SUSD5: variants seen among roughly 807,000 people sequenced by gnomAD.
The protein encoded by SUSD5 is sushi domain containing 5, also known as sushi domain-containing protein 5.
SUSD5 carries 33 observed loss-of-function variants against 29.5 expected under a neutral mutation model. That is an observed-to-expected ratio of 1.12 (90% CI 0.85 to 1.49). The LOEUF is 1.49. Among genes scored for constraint, SUSD5 ranks in the 40% most tolerant of loss-of-function variants. The pLI, the probability that SUSD5 is intolerant of heterozygous loss-of-function variation, is 0.00. For synonymous variants in SUSD5, 308 were observed against 325.3 expected (o/e 0.95, Z 0.57); for missense variants, 776 against 800.6 (o/e 0.97, Z 0.37).
In SUSD5 at chr3:33,204,121, G is replaced by T. The variant is rs760526148; in HGVS notation, c.409+3687C>A. 9.9e-5 allele frequency among the ~76,000 whole-genome samples: 15 copies of T among 151,568 alleles called. No individual in the cohort carries two copies. Among genetic ancestry groups the T allele is most frequent in the African/African-American group, 3.6e-4 (15 of 41,216 alleles). ...GAAGAGATGGTTTTTAGGGACAAAGGGGCATCATATCTACAAGTTACTCTC... is the reference window on the plus strand; with the variant it reads ...GAAGAGATGGTTTTTAGGGACAAAGTGGCATCATATCTACAAGTTACTCTC... On this transcript the variant is annotated intron_variant, in intron 3 of 4. Coordinates refer to ENST00000309558, the MANE Select transcript of SUSD5 (RefSeq NM_015551.2). This position sits in a 1 kb window ranked among gnomAD's most constrained non-coding sequence, Gnocchi z 4.5.
rs549748497 is a variant in SUSD5, at chr3:33,150,537, T to C, written c.*2205A>G. ...TAGATTAGGATCTAATTTATAAATA[T>C]ATACAGTCTCTGGCTTTTATTCTAT... On this transcript the variant is annotated 3_prime_UTR_variant, in exon 5 of 5. Coordinates refer to ENST00000309558, the MANE Select transcript of SUSD5 (RefSeq NM_015551.2). 7.9e-5 allele frequency: 12 copies of C among 152,334 alleles called. No homozygotes were observed. Among genetic ancestry groups the C allele is most frequent in the African/African-American group, 2.6e-4 (11 of 41,586 alleles). The allele number at this position is 152,334 out of a possible 1,614,324, so 9.4% of individuals were successfully genotyped here.
chr3:33,216,378 T>A (rs1337692267), intron 1 of SUSD5, among the ~76,000 whole-genome samples: 1 of 152,104 alleles, frequency 6.6e-6, no homozygotes, highest in Non-Finnish European at 1.5e-5. Context: ...ACACAGATGA[T>A]CTCACACCAA....
In SUSD5 at chr3:33,153,419, CG is replaced by C; in HGVS notation, c.1212del (p.Asn404LysfsTer3). The C allele has an allele frequency of 6.2e-7, 1 of 1,613,810 alleles. No individual in the cohort carries two copies. The highest frequency in any genetic ancestry group is 1.3e-5 in the African/African-American group (1 of 75,020). On this transcript the variant is annotated frameshift_variant, in exon 5 of 5. Coordinates refer to ENST00000309558, the MANE Select transcript of SUSD5 (RefSeq NM_015551.2). LOFTEE classifies it low-confidence loss of function (END_TRUNC). ...RGDGSVGLDE[N>X]VLVTPDQPIL... ...ATGGGCTGATCAGGAGTAACTAGGA[CG>C]TTTTCATCCAGCCCTACTGACCCAT...
intron 4 of SUSD5, among the ~76,000 whole-genome samples, chr3:33,163,335 G>T (rs4678725): frequency 0.014 from 2,160 of 152,002 alleles, 25 homozygotes; most frequent in Non-Finnish European, 0.023. Context: ...TCGGTAAGCT[G>T]GGTTAAGCTT....
intron 3 of SUSD5, among the ~76,000 whole-genome samples, chr3:33,181,663 G>A (rs879681421): frequency 1.1e-4 from 17 of 152,202 alleles, no homozygotes; most frequent in Non-Finnish European, 2.2e-4. Context: ...ATGAGTTACT[G>A]TGCCTGGTCC....
At chr3:33,169,680 G>A (rs2031381739) in intron 4 of SUSD5, among the ~76,000 whole-genome samples, 1 of 152,214 alleles carries the variant, frequency 6.6e-6, no homozygotes, top group Non-Finnish European at 1.5e-5. Flanking sequence ...TGGGCAATGT[G>A]TCTTGTTTCC....
chr3:33,217,331 T>C (rs1214902705), intron 1 of SUSD5, among the ~76,000 whole-genome samples: 1 of 152,230 alleles, frequency 6.6e-6, no homozygotes, highest in African/African-American at 2.4e-5. Flanking sequence ...ATCAGTAAAC[T>C]GCTAATAGGT....
chr3:33,174,602 A>G (rs1307139589), intron 4 of SUSD5, among the ~76,000 whole-genome samples: 1 of 152,218 alleles, frequency 6.6e-6, no homozygotes, highest in Non-Finnish European at 1.5e-5. Context: ...AATAAACTAG[A>G]AAGTTAACTC....
At chr3:33,199,448 T>C (rs1009007931) in intron 3 of SUSD5, among the ~76,000 whole-genome samples, 9 of 152,160 alleles carry the variant, frequency 5.9e-5, no homozygotes, top group Non-Finnish European at 1.2e-4. Context: ...TAACTTTTTG[T>C]ATTTTTAACA....
rs2032185373 is a variant in SUSD5, at chr3:33,204,758, A to T, written c.409+3050T>A. Among the ~76,000 whole-genome samples, 1 of 151,310 alleles carries T rather than the reference A, an allele frequency of 6.6e-6. No homozygotes were observed. The highest frequency in any genetic ancestry group is 2.1e-4 in the South Asian group (1 of 4,774). Reference sequence around the variant, plus strand: ...TACCTCCCAGGTTAAAGCGATTCTCATGCCTCAGCCTCCTGAGTGGCTAGG... The same window carrying T: ...TACCTCCCAGGTTAAAGCGATTCTCTTGCCTCAGCCTCCTGAGTGGCTAGG... On this transcript the variant is annotated intron_variant, in intron 3 of 4. Coordinates refer to ENST00000309558, the MANE Select transcript of SUSD5 (RefSeq NM_015551.2). The surrounding 1 kb of genome is among the most constrained non-coding windows in gnomAD (Gnocchi z 4.5).
chr3:33,195,881 T>C (rs2031986052), intron 3 of SUSD5, among the ~76,000 whole-genome samples: 1 of 152,158 alleles, frequency 6.6e-6, no homozygotes, highest in Non-Finnish European at 1.5e-5. Flanking sequence ...TGAGAGACCT[T>C]AATTTTCTTT....
Position 33,152,419 on chromosome 3 carries a change from C to CAAA in SUSD5, c.*320_*322dup. The CAAA allele has an allele frequency of 9.0e-6, 2 of 222,170 alleles. No homozygotes were observed. Among genetic ancestry groups the CAAA allele is most frequent in the South Asian group, 9.0e-5 (1 of 11,172 alleles). 13.8% of individuals were successfully genotyped at this position (222,170 alleles called of 1,614,324 possible). On this transcript the variant is annotated 3_prime_UTR_variant, in exon 5 of 5. Coordinates refer to ENST00000309558, the MANE Select transcript of SUSD5 (RefSeq NM_015551.2). The stretch of plus-strand genomic sequence containing the variant: ...TGGGCAACAGCATGAGACTCTGTCT[C>CAAA]AAAAAAAAAAAGATAATACTGTGAT...
chr3:33,184,339 C>A (rs2031737196), intron 3 of SUSD5, among the ~76,000 whole-genome samples: 1 of 152,084 alleles, frequency 6.6e-6, no homozygotes, highest in Non-Finnish European at 1.5e-5. Flanking sequence ...CCTCTAGATT[C>A]TTCCAAGATT....
intron 3 of SUSD5, among the ~76,000 whole-genome samples, chr3:33,189,130 T>C (rs2125625877): frequency 6.6e-6 from 1 of 152,268 alleles, no homozygotes; most frequent in Middle Eastern, 3.4e-3. Context: ...TACTAATACA[T>C]GGAAATCTAC....
intron 3 of SUSD5, among the ~76,000 whole-genome samples, chr3:33,177,489 A>C (rs1250723870): frequency 6.6e-6 from 1 of 152,086 alleles, no homozygotes; most frequent in Non-Finnish European, 1.5e-5. Context: ...TGCTAATATA[A>C]ATGGTAACAT....
At chr3:33,199,118 A>G (rs183743031) in intron 3 of SUSD5, among the ~76,000 whole-genome samples, 10 of 152,304 alleles carry the variant, frequency 6.6e-5, no homozygotes, top group Non-Finnish European at 1.3e-4. Flanking sequence ...TATACAAAAT[A>G]CAGAGCATGA....
intron 3 of SUSD5, 30 bp from the exon 4 acceptor site, chr3:33,175,104 C>T (rs1278631532): frequency 1.2e-6 from 2 of 1,611,152 alleles, no homozygotes; most frequent in Admixed American, 1.7e-5. Context: ...GTTAGCTTTT[C>T]CAAACTGTGC....
chr3:33,214,245 C>T (rs993021609), intron 1 of SUSD5, 140 bp from the exon 2 acceptor site: 1 of 695,166 alleles, frequency 1.4e-6, no homozygotes, highest in Non-Finnish European at 2.3e-6. Context: ...ACATCCACAT[C>T]CCTGGGACCA....
intron 3 of SUSD5, among the ~76,000 whole-genome samples, chr3:33,184,687 C>T (rs2031743278): frequency 6.6e-6 from 1 of 152,182 alleles, no homozygotes; most frequent in Admixed American, 6.5e-5. Flanking sequence ...ATTTTCTCCT[C>T]AGCTGTGTCC....
Sources: allele counts gnomAD v4.1 joint callset (sites outside exome capture counted in the v4.1 genomes callset), GRCh38; gene constraint gnomAD v4.1.1; non-coding constraint Gnocchi (gnomAD v3.1); transcripts MANE v1.5; gene names NCBI Gene and HGNC (gene_info 2026-07-23, HGNC 2026-07-21).